Variants in SLC7A1 observed in about 807,000 individuals in gnomAD.
SLC7A1 encodes the protein solute carrier family 7 member 1.
Under a neutral mutation model 53.9 loss-of-function variants are expected in SLC7A1, and 10 were observed. The observed-to-expected ratio is 0.19, with a 90% CI of 0.11 to 0.31. The LOEUF (loss-of-function observed/expected upper bound fraction) is 0.31, where lower values mean the gene tolerates loss of function less well. Ranked by LOEUF, SLC7A1 falls within the 10% of genes least tolerant of loss-of-function variation. The pLI, the probability that SLC7A1 is intolerant of heterozygous loss-of-function variation, is 1.00. For synonymous variants in SLC7A1, 342 were observed against 338.7 expected, an observed-to-expected ratio of 1.01 and a Z score of -0.11; for missense variants, 525 against 827.2, an observed-to-expected ratio of 0.63 and a Z score of 4.48.
intron 5 of SLC7A1, among the ~76,000 whole-genome samples, chr13:29,526,808 C>T (rs920874608): frequency 6.6e-6 from 1 of 152,040 alleles, no homozygotes; most frequent in African/African-American, 2.4e-5. Context: ...AAGGCATCCT[C>T]CCCGGCTCCT....
At chr13:29,538,746 G>A (rs551721426) in intron 2 of SLC7A1, among the ~76,000 whole-genome samples, 2 of 152,370 alleles carry the variant, frequency 1.3e-5, no homozygotes, top group South Asian at 4.1e-4. Context: ...AAGTTGGAAG[G>A]GAAAATGCAA....
rs770049764 is a variant in SLC7A1 at position 29,517,772 on chromosome 13, A to T, written c.1311T>A (p.Pro437=). The change falls in exon 10 of 13, where the codon CCT becomes CCA. Residue 437 remains proline, a synonymous_variant. Transcript: ENST00000380752. Reference sequence around the variant, plus strand: ...TACTGGCCATCTGGTATACCAGGTTAGGCTGCTCTGGCTGGTACCTGGGAA... The same window carrying T: ...TACTGGCCATCTGGTATACCAGGTTTGGCTGCTCTGGCTGGTACCTGGGAA... ...VLVLRYQPEQ[P]NLVYQMASTS... The T allele has an allele frequency of 6.8e-6, 11 of 1,613,944 alleles. No homozygotes were observed. Among genetic ancestry groups the T allele is most frequent in the Non-Finnish European group, 9.3e-6 (11 of 1,179,984 alleles).
At chr13:29,564,617 G>A (rs954348803) in intron 1 of SLC7A1, among the ~76,000 whole-genome samples, 2 of 152,284 alleles carry the variant, frequency 1.3e-5, no homozygotes, top group Non-Finnish European at 1.5e-5. Flanking sequence ...ATGCAAGGAC[G>A]ATCCTCCCAC....
chr13:29,519,297 A>G, intron 9 of SLC7A1, 150 bp downstream of exon 9: 1 of 533,622 alleles, frequency 1.9e-6, no homozygotes, highest in Non-Finnish European at 3.4e-6. Context: ...CTGGGCTCTC[A>G]ACCCAGGTCC....
intron 2 of SLC7A1, among the ~76,000 whole-genome samples, chr13:29,538,892 TGAAA>T (rs1869543391): frequency 6.6e-6 from 1 of 152,142 alleles, no homozygotes; most frequent in African/African-American, 2.4e-5. Flanking sequence ...AAACAGGGTG[TGAAA>T]GCTCTTGTTT....
chr13:29,593,634 T>G (rs1872194299), intron 1 of SLC7A1, among the ~76,000 whole-genome samples: 1 of 152,248 alleles, frequency 6.6e-6, no homozygotes, highest in African/African-American at 2.4e-5. Flanking sequence ...TTGTATGGAC[T>G]TTGGTTAAAA....
chr13:29,570,694 AC>A (rs1456614497), intron 1 of SLC7A1, among the ~76,000 whole-genome samples: 8 of 152,226 alleles, frequency 5.3e-5, no homozygotes, highest in African/African-American at 1.9e-4. Flanking sequence ...TCTACAAAAT[AC>A]AGGAAAAAAA....
At chr13:29,560,830 C>A (rs1226826070) in intron 1 of SLC7A1, among the ~76,000 whole-genome samples, 1 of 152,114 alleles carries the variant, frequency 6.6e-6, no homozygotes, top group Non-Finnish European at 1.5e-5. Flanking sequence ...GGACACCTGG[C>A]AGGCCAAGAG....
intron 1 of SLC7A1, among the ~76,000 whole-genome samples, chr13:29,572,624 T>C (rs1871247837): frequency 6.6e-6 from 1 of 152,178 alleles, no homozygotes. Flanking sequence ...TTGGAAGCAC[T>C]GAATCTGAGC....
chr13:29,570,645 A>C (rs1244816410), intron 1 of SLC7A1, among the ~76,000 whole-genome samples: 1 of 152,184 alleles, frequency 6.6e-6, no homozygotes, highest in African/African-American at 2.4e-5. Flanking sequence ...TGAGCCCCGG[A>C]GTTGGAGACC....
At chr13:29,544,321 T>C (rs1247233693) in intron 2 of SLC7A1, among the ~76,000 whole-genome samples, 1 of 152,228 alleles carries the variant, frequency 6.6e-6, no homozygotes, top group Non-Finnish European at 1.5e-5. Flanking sequence ...TATACGCATG[T>C]TTTTGTTGTT....
Position 29,523,357 on chromosome 13 carries a change from T to A in SLC7A1, c.958A>T (p.Asn320Tyr), listed in dbSNP as rs754849202. The A allele has an allele frequency of 6.2e-7, 1 of 1,613,726 alleles. No homozygotes were observed. The highest frequency in any genetic ancestry group is 1.7e-5 in the Admixed American group (1 of 60,002). ...LMMPYFCLDNNSPLPDAFKHV... is the reference protein window; with the variant it reads ...LMMPYFCLDNYSPLPDAFKHV... ...TTAAAGGCGTCGGGCAGGGGGCTGT[T>A]ATTGTCCAGGCAGAAGTAGGGCATC... Residue 320 changes from asparagine to tyrosine, a missense_variant, in exon 7 of 13, where the codon AAC (asparagine) becomes TAC (tyrosine). This residue lies in a region of SLC7A1 where 354 missense variants were observed against 587.5 expected (regional missense o/e 0.60). Coordinates refer to ENST00000380752, the MANE Select transcript of SLC7A1 (RefSeq NM_003045.5).
chr13:29,578,625 C>T (rs1871510814), intron 1 of SLC7A1, among the ~76,000 whole-genome samples: 1 of 152,226 alleles, frequency 6.6e-6, no homozygotes, highest in Admixed American at 6.5e-5. Context: ...ACAATCTGTC[C>T]TGAACTATTT....
intron 2 of SLC7A1, among the ~76,000 whole-genome samples, chr13:29,545,532 C>T (rs1296745389): frequency 1.6e-4 from 25 of 152,238 alleles, no homozygotes; most frequent in Admixed American, 1.4e-3. Flanking sequence ...TACTAGGAAA[C>T]GCCCAGAAAA....
chr13:29,559,329 T>G (rs1593568230), intron 1 of SLC7A1, among the ~76,000 whole-genome samples: 1 of 2,176 alleles, frequency 4.6e-4, no homozygotes, highest in Non-Finnish European at 8.4e-4. Flanking sequence ...AGAATGTGAG[T>G]GAGGGGGAGT....
At position 29,515,815 on chromosome 13, in the gene SLC7A1, T is replaced by G. The variant is rs2139065679; in HGVS notation, c.1786+323A>C. ...CCTAGTGCCCGTACCAATTTGGTGC[T>G]GGGCAGGCCAGGGGGCCAGGAGGCA... On this transcript the variant is annotated intron_variant, in intron 12 of 12. Transcript: ENST00000380752. Among the ~76,000 whole-genome samples, 2 of 152,360 alleles carry G rather than the reference T, an allele frequency of 1.3e-5. 1 individual carries two copies. The highest frequency in any genetic ancestry group is 4.1e-4 in the South Asian group (2 of 4,830).
chr13:29,525,277 C>A (rs1359649750), intron 5 of SLC7A1, among the ~76,000 whole-genome samples: 1 of 152,230 alleles, frequency 6.6e-6, no homozygotes, highest in Non-Finnish European at 1.5e-5. Flanking sequence ...TTTGCCAGCC[C>A]CAGGGCCGCA....
Position 29,530,519 on chromosome 13 carries a change from G to A in SLC7A1, c.704+19C>T. 1 of 1,610,978 alleles carries A rather than the reference G, an allele frequency of 6.2e-7. No homozygotes were observed. The highest frequency in any genetic ancestry group is 8.5e-7 in the Non-Finnish European group (1 of 1,177,610). On this transcript the variant is annotated intron_variant, in intron 5 of 12. Transcript: ENST00000380752. ...CATTAAATGTCAACTAAGAAAAATG[G>A]TCAGAAGCAGCAACTCACTTGTTCA...
At position 29,523,457 on chromosome 13, in the gene SLC7A1, G is replaced by A. The variant is rs556970169; in HGVS notation, c.858C>T (p.Ile286=). The A allele has an allele frequency of 1.2e-6, 2 of 1,613,970 alleles. No homozygotes were observed. The highest frequency in any genetic ancestry group is 2.7e-5 in the African/African-American group (2 of 75,046). ...GEEVKNPQKA[I]PVGIVASLLI... ...AGAGGGACGCCACGATCCCCACGGG[G>A]ATGGCCTTCTGTGGGTTCTTCACCT... Residue 286 remains isoleucine (I), a synonymous_variant, in exon 7 of 13, where the codon ATC becomes ATT. Transcript: ENST00000380752.
Sources: gnomAD v4.1 joint callset for allele counts (sites outside exome capture counted in the v4.1 genomes callset) on GRCh38, gnomAD v4.1.1 for gene constraint, gnomAD v4.1.1 regional missense constraint, MANE v1.5 for transcripts, NCBI Gene and HGNC (gene_info 2026-07-23, HGNC 2026-07-21) for gene names.